Variants in MAP3K5 observed in about 807,000 individuals in gnomAD.
The protein encoded by MAP3K5 is ASK-1.
A neutral mutation model predicts 158.7 loss-of-function variants in MAP3K5; 56 were observed. The observed-to-expected ratio is 0.35, with a 90% CI of 0.28 to 0.44. The LOEUF is 0.44. Ranked by LOEUF, MAP3K5 falls within the 20% of genes least tolerant of loss-of-function variation. MAP3K5 has a pLI of 1.00. For synonymous variants in MAP3K5, 579 were observed against 601.7 expected (o/e 0.96, Z 0.55); for missense variants, 1,294 against 1,674.8 (o/e 0.77, Z 3.97).
chr6:136,699,316 T>C (rs1780745220), intron 3 of MAP3K5, among the ~76,000 whole-genome samples: 1 of 152,198 alleles, frequency 6.6e-6, no homozygotes, highest in South Asian at 2.1e-4. Flanking sequence ...CATGCACCAA[T>C]GGACCTGGCC....
intron 1 of MAP3K5, among the ~76,000 whole-genome samples, chr6:136,730,247 C>T (rs1169781923): frequency 6.6e-6 from 1 of 151,628 alleles, no homozygotes; most frequent in Non-Finnish European, 1.5e-5. Context: ...GAGCCACCCG[C>T]CTAGGCCTCC....
At chr6:136,634,581 T>C (rs898808016) in intron 14 of MAP3K5, among the ~76,000 whole-genome samples, 11 of 152,010 alleles carry the variant, frequency 7.2e-5, no homozygotes, top group African/African-American at 2.7e-4. Context: ...CTTATGTTTT[T>C]CTTTTCTTTT....
At chr6:136,590,469 T>C (rs1775333963) in intron 23 of MAP3K5, among the ~76,000 whole-genome samples, 1 of 151,782 alleles carries the variant, frequency 6.6e-6, no homozygotes, top group African/African-American at 2.4e-5. Context: ...CTTCTAACCT[T>C]GATGAGAAAA....
intron 1 of MAP3K5, among the ~76,000 whole-genome samples, chr6:136,776,407 G>A (rs1049029708): frequency 7.2e-5 from 11 of 152,094 alleles, no homozygotes; most frequent in African/African-American, 2.7e-4. Context: ...ACCACAACCA[G>A]CAAATTTTTA....
At chr6:136,704,633 C>T (rs1413528195) in intron 3 of MAP3K5, among the ~76,000 whole-genome samples, 1 of 152,166 alleles carries the variant, frequency 6.6e-6, no homozygotes, top group Admixed American at 6.5e-5. Context: ...GCAACCTCCG[C>T]CTCCCGGGTT....
At chr6:136,747,963 T>C (rs1055094005) in intron 1 of MAP3K5, among the ~76,000 whole-genome samples, 3 of 152,228 alleles carry the variant, frequency 2.0e-5, no homozygotes, top group African/African-American at 7.2e-5. Flanking sequence ...CCTAGGTCTA[T>C]CAGATATATG....
intron 1 of MAP3K5, among the ~76,000 whole-genome samples, chr6:136,730,651 G>A (rs1006728075): frequency 5.3e-5 from 8 of 151,010 alleles, no homozygotes; most frequent in African/African-American, 2.0e-4. Context: ...GAACCCAGGA[G>A]GCAGAGCTTG....
At chr6:136,762,086 A>T (rs949336548) in intron 1 of MAP3K5, among the ~76,000 whole-genome samples, 6 of 152,174 alleles carry the variant, frequency 3.9e-5, no homozygotes, top group Non-Finnish European at 7.4e-5. Context: ...AAAATCCATG[A>T]CCCTACAGAA....
rs1225470801 is a variant in MAP3K5, at chr6:136,562,602, A to G, written c.3775T>C (p.Leu1259=). The G allele has an allele frequency of 3.1e-6, 5 of 1,590,246 alleles. No individual in the cohort carries two copies. Among genetic ancestry groups the G allele is most frequent in the Non-Finnish European group, 4.3e-6 (5 of 1,163,448 alleles). The change falls in exon 27 of 30, where the codon TTG becomes CTG. Residue 1259 remains leucine, a synonymous_variant. Transcript: ENST00000359015. Reference sequence around the variant, plus strand: ...TGTAATTCTTTCTCTTTCCGAACCAATTCTTCCAGTAATCTGCAGAAGAAA... The same window carrying G: ...TGTAATTCTTTCTCTTTCCGAACCAGTTCTTCCAGTAATCTGCAGAAGAAA... ...KIETNRLLEE[L]VRKEKELQAL...
chr6:136,734,414 T>C (rs1197624327), intron 1 of MAP3K5, among the ~76,000 whole-genome samples: 2 of 111,040 alleles, frequency 1.8e-5, no homozygotes, highest in East Asian at 2.6e-4. Flanking sequence ...AGCGAGACTC[T>C]GTCTCGGAAA....
chr6:136,675,647 T>C (rs1779673654), intron 7 of MAP3K5, among the ~76,000 whole-genome samples: 1 of 152,060 alleles, frequency 6.6e-6, no homozygotes, highest in Non-Finnish European at 1.5e-5. Context: ...CAGAACAAAT[T>C]ATACCTTTAA....
chr6:136,737,057 AAACTTAGATGTGAT>A (rs1782507496), intron 1 of MAP3K5, among the ~76,000 whole-genome samples: 6 of 147,624 alleles, frequency 4.1e-5, no homozygotes, highest in South Asian at 2.1e-4. Flanking sequence ...ATATATATAT[AAACTTAGATGTGAT>A]TATATAAATG....
At chr6:136,721,278 A>G (rs1337722733) in intron 1 of MAP3K5, among the ~76,000 whole-genome samples, 2 of 152,076 alleles carry the variant, frequency 1.3e-5, no homozygotes, top group African/African-American at 4.8e-5. Context: ...ATAAAACGAG[A>G]TTTTTAAAAA....
At chr6:136,584,250 C>G (rs994217768) in intron 23 of MAP3K5, among the ~76,000 whole-genome samples, 4 of 152,038 alleles carry the variant, frequency 2.6e-5, no homozygotes, top group African/African-American at 9.7e-5. Flanking sequence ...GAAAGAGAAG[C>G]TATAAAATAG....
At chr6:136,583,894 C>T (rs1775000111) in intron 23 of MAP3K5, among the ~76,000 whole-genome samples, 154 bp from the exon 24 acceptor site, 1 of 152,068 alleles carries the variant, frequency 6.6e-6, no homozygotes, top group African/African-American at 2.4e-5. Flanking sequence ...AACTCCTGGG[C>T]TCAAGCGAGC....
chr6:136,657,495 C>A (rs574203521), intron 9 of MAP3K5, among the ~76,000 whole-genome samples: 12 of 152,150 alleles, frequency 7.9e-5, no homozygotes, highest in Non-Finnish European at 1.5e-5. Context: ...CAATATCATG[C>A]GTGCATCTAT....
At chr6:136,711,374 A>G (rs182065812) in intron 2 of MAP3K5, among the ~76,000 whole-genome samples, 3 of 152,210 alleles carry the variant, frequency 2.0e-5, no homozygotes, top group Admixed American at 6.6e-5. Context: ...TGTAAAGAAA[A>G]TATCTTCTGG....
chr6:136,659,165 G>T, intron 9 of MAP3K5, 54 bp downstream of exon 9: 3 of 1,398,706 alleles, frequency 2.1e-6, no homozygotes, highest in Non-Finnish European at 2.0e-6. Context: ...TATAATATGG[G>T]AACAATATGG....
intron 1 of MAP3K5, among the ~76,000 whole-genome samples, chr6:136,755,596 G>C (rs549680900): frequency 1.3e-5 from 2 of 151,174 alleles, no homozygotes; most frequent in South Asian, 2.1e-4. Flanking sequence ...ACACGCCTGT[G>C]GTCACAGCTA....
Sources: allele counts gnomAD v4.1 joint callset (sites outside exome capture counted in the v4.1 genomes callset), GRCh38; gene constraint gnomAD v4.1.1; transcripts MANE v1.5; gene names NCBI Gene and HGNC (gene_info 2026-07-23, HGNC 2026-07-21).